The following GPC6 variants were observed in gnomAD, a reference collection of about 807,000 sequenced individuals.
The protein encoded by GPC6 is glypican-6.
A neutral mutation model predicts 55.2 loss-of-function variants in GPC6; 14 were observed. The observed-to-expected ratio is 0.25, with a 90% CI of 0.17 to 0.40. The LOEUF (loss-of-function observed/expected upper bound fraction) is 0.40. Among genes scored for constraint, GPC6 ranks in the 10% least tolerant of loss-of-function variants. The probability of loss-of-function intolerance (pLI) is 1.00; values close to 1 mark genes in which losing one functional copy is unlikely to be tolerated. For synonymous variants in GPC6, 278 were observed against 259.6 expected (o/e 1.07, Z -0.68); for missense variants, 641 against 708.5 (o/e 0.90, Z 1.08).
chr13:94,137,085 G>C (rs931344008), intron 4 of GPC6, among the ~76,000 whole-genome samples: 1 of 152,228 alleles, frequency 6.6e-6, no homozygotes, highest in South Asian at 2.1e-4. Context: ...ATAGGTGGCA[G>C]TGTCTCAATT....
chr13:93,796,425 G>A (rs1246690205), intron 2 of GPC6, among the ~76,000 whole-genome samples: 2 of 151,970 alleles, frequency 1.3e-5, no homozygotes, highest in South Asian at 4.1e-4. Context: ...CTTTGACCTA[G>A]CAATCACAGT....
chr13:94,191,022 T>C (rs1342253163), intron 4 of GPC6, among the ~76,000 whole-genome samples: 1 of 152,078 alleles, frequency 6.6e-6, no homozygotes, highest in Non-Finnish European at 1.5e-5. Context: ...ATAGGTGATT[T>C]TGGATAAAGA....
intron 4 of GPC6, among the ~76,000 whole-genome samples, chr13:94,093,198 T>G (rs1885551901): frequency 6.6e-6 from 1 of 152,134 alleles, no homozygotes; most frequent in Non-Finnish European, 1.5e-5. Flanking sequence ...AATATCAATG[T>G]CAAAAAATTT....
At chr13:93,275,241 G>C (rs1422722886) in intron 1 of GPC6, among the ~76,000 whole-genome samples, 1 of 152,138 alleles carries the variant, frequency 6.6e-6, no homozygotes, top group African/African-American at 2.4e-5. Context: ...TTCTAAAAAT[G>C]GTTCATTTAA....
At chr13:93,615,064 C>T (rs1878656454) in intron 2 of GPC6, among the ~76,000 whole-genome samples, 1 of 152,052 alleles carries the variant, frequency 6.6e-6, no homozygotes, top group Non-Finnish European at 1.5e-5. Flanking sequence ...AACAAAGATT[C>T]AGATGTTTAA....
intron 2 of GPC6, among the ~76,000 whole-genome samples, chr13:93,700,372 T>C (rs1437984341): frequency 6.6e-6 from 1 of 151,988 alleles, no homozygotes; most frequent in African/African-American, 2.4e-5. Flanking sequence ...TATAAGGATG[T>C]TCTACAGCAA....
At chr13:93,930,886 T>C (rs1475275916) in intron 3 of GPC6, among the ~76,000 whole-genome samples, 1 of 152,128 alleles carries the variant, frequency 6.6e-6, no homozygotes, top group East Asian at 1.9e-4. Flanking sequence ...TGCTGGCATC[T>C]AGTTGGCTTC....
chr13:93,516,646 A>G (rs993691752), intron 1 of GPC6, among the ~76,000 whole-genome samples: 2 of 152,178 alleles, frequency 1.3e-5, no homozygotes, highest in Non-Finnish European at 2.9e-5. Flanking sequence ...ACCCTTCAAG[A>G]TAGAACAACA....
intron 1 of GPC6, among the ~76,000 whole-genome samples, chr13:93,253,561 G>A (rs1200536698): frequency 1.3e-5 from 2 of 152,174 alleles, no homozygotes; most frequent in Admixed American, 6.5e-5. Flanking sequence ...AAACCTGCTG[G>A]GAGCCTAAAG....
chr13:94,270,348 A>G (rs1449113040), intron 4 of GPC6, among the ~76,000 whole-genome samples: 1 of 152,228 alleles, frequency 6.6e-6, no homozygotes, highest in Admixed American at 6.5e-5. Context: ...ACAATAAGAC[A>G]ATTGCTACAG....
At chr13:94,372,578 C>G (rs1156927418) in intron 6 of GPC6, among the ~76,000 whole-genome samples, 6 of 152,072 alleles carry the variant, frequency 3.9e-5, no homozygotes, top group African/African-American at 1.4e-4. Context: ...CACGGAGTCT[C>G]GCTGATTGCT....
intron 1 of GPC6, among the ~76,000 whole-genome samples, chr13:93,319,633 G>C (rs1331096616): frequency 2.0e-5 from 3 of 152,096 alleles, no homozygotes; most frequent in Non-Finnish European, 4.4e-5. Flanking sequence ...AGCTTACACT[G>C]TTTTCAGAAA....
chr13:94,128,281 C>T (rs962916894), intron 4 of GPC6, among the ~76,000 whole-genome samples: 2 of 152,004 alleles, frequency 1.3e-5, no homozygotes, highest in Non-Finnish European at 2.9e-5. Flanking sequence ...TATAATGACT[C>T]CACAGACAGC....
At chr13:93,873,076 T>C (rs1218205663) in intron 3 of GPC6, among the ~76,000 whole-genome samples, 1 of 151,814 alleles carries the variant, frequency 6.6e-6, no homozygotes, top group African/African-American at 2.4e-5. Context: ...CATACACCCT[T>C]TAACTACTTT....
intron 4 of GPC6, among the ~76,000 whole-genome samples, chr13:94,274,867 A>G (rs1338845904): frequency 6.6e-6 from 1 of 152,132 alleles, no homozygotes; most frequent in Non-Finnish European, 1.5e-5. Flanking sequence ...AAAAAGTACA[A>G]TAAGATTCTG....
intron 7 of GPC6, among the ~76,000 whole-genome samples, chr13:94,394,189 T>C (rs1167715988): frequency 6.6e-6 from 1 of 152,230 alleles, no homozygotes; most frequent in Non-Finnish European, 1.5e-5. Context: ...AAAGATTTAG[T>C]TCCTAGCCAT....
intron 3 of GPC6, among the ~76,000 whole-genome samples, chr13:93,910,472 G>T (rs955681289): frequency 5.3e-5 from 8 of 151,976 alleles, no homozygotes; most frequent in African/African-American, 1.2e-4. Context: ...GCGGGGGGTG[G>T]GTGTGTGTTT....
At chr13:93,597,097 C>G (rs541322156) in intron 2 of GPC6, among the ~76,000 whole-genome samples, 4 of 150,766 alleles carry the variant, frequency 2.7e-5, no homozygotes, top group African/African-American at 7.3e-5. Flanking sequence ...ATGGTTCTAT[C>G]TAGGCCTTCC....
intron 4 of GPC6, among the ~76,000 whole-genome samples, chr13:94,270,488 G>A (rs1772131154): frequency 6.6e-6 from 1 of 152,092 alleles, no homozygotes; most frequent in Admixed American, 6.6e-5. Context: ...TGCATACATA[G>A]CCTGATCCTA....
Sources: allele counts gnomAD v4.1 joint callset (sites outside exome capture counted in the v4.1 genomes callset), GRCh38; gene constraint gnomAD v4.1.1; transcripts MANE v1.5; gene names NCBI Gene and HGNC (gene_info 2026-07-23, HGNC 2026-07-21).